The following HSD17B3 variants were observed in gnomAD, a reference collection of about 807,000 sequenced individuals.
HSD17B3 encodes the protein 17-beta-hydroxysteroid dehydrogenase type 3.
In HSD17B3, 29 loss-of-function variants were observed where a neutral mutation model predicts 41.1. That is an observed-to-expected ratio of 0.71 (90% CI 0.53 to 0.96). The LOEUF is 0.96. Among genes scored for constraint, HSD17B3 ranks in the 40% least tolerant of loss-of-function variants. The pLI is 0.00. For synonymous variants in HSD17B3, 126 were observed against 145.6 expected (o/e 0.87, Z 0.97); for missense variants, 323 against 374.6 (o/e 0.86, Z 1.14).
chr9:96,250,681 G>A (rs571088996), intron 5 of HSD17B3, among the ~76,000 whole-genome samples: 89 of 152,176 alleles, frequency 5.8e-4, no homozygotes, highest in Non-Finnish European at 9.0e-4. Flanking sequence ...GAGGTCAGGC[G>A]TTCGAGACCA....
intron 4 of HSD17B3, among the ~76,000 whole-genome samples, chr9:96,251,876 T>C (rs537669667): frequency 1.3e-5 from 2 of 152,340 alleles, no homozygotes; most frequent in Admixed American, 1.3e-4. Context: ...TTCATATTTA[T>C]TTTATTAGCC....
chr9:96,289,729 G>C (rs1372497319), intron 2 of HSD17B3, among the ~76,000 whole-genome samples: 1 of 152,190 alleles, frequency 6.6e-6, no homozygotes, highest in East Asian at 1.9e-4. Flanking sequence ...ACACTTGGTT[G>C]TCTGGGCTGG....
At chr9:96,301,875 T>C (rs1827625967) in intron 1 of HSD17B3, 76 bp downstream of exon 1, 1 of 1,498,902 alleles carries the variant, frequency 6.7e-7, no homozygotes, top group Non-Finnish European at 9.3e-7. Context: ...AGCAAGTGTC[T>C]GTCTCAAAAA....
At chr9:96,273,910 A>G (rs1826355000) in intron 2 of HSD17B3, among the ~76,000 whole-genome samples, 1 of 152,168 alleles carries the variant, frequency 6.6e-6, no homozygotes, top group Admixed American at 6.6e-5. Flanking sequence ...ACTCAACCAT[A>G]GGTGAGGGTG....
At chr9:96,271,493 C>A (rs972779083) in intron 2 of HSD17B3, among the ~76,000 whole-genome samples, 4 of 152,172 alleles carry the variant, frequency 2.6e-5, no homozygotes, top group African/African-American at 9.7e-5. Context: ...CTTGGGTTGG[C>A]CACAGAACTG....
chr9:96,295,549 G>A (rs1827328347), intron 2 of HSD17B3, among the ~76,000 whole-genome samples: 1 of 151,918 alleles, frequency 6.6e-6, no homozygotes, highest in South Asian at 2.1e-4. Context: ...TGGCCAGGCT[G>A]GTCTGGAACT....
Position 96,251,420 on chromosome 9 carries a change from G to T in HSD17B3, c.451C>A (p.Gln151Lys). ...TACACAGAAGAGCACAAGTCTACCTGGATTTCATCCGGTGCGTTCAGGAAA... is the reference window on the plus strand; with the variant it reads ...TACACAGAAGAGCACAAGTCTACCTTGATTTCATCCGGTGCGTTCAGGAAA... ...SHFLNAPDEIQSLIHCNITSV... is the reference protein window; with the variant it reads ...SHFLNAPDEIKSLIHCNITSV... Residue 151 changes from glutamine (Q) to lysine (K), a missense_variant and splice_region_variant, in exon 5 of 11, where the codon CAG (glutamine) becomes AAG (lysine). Gln to Lys is a moderately conservative substitution (Grantham distance 53). Coordinates refer to ENST00000375263, the MANE Select transcript of HSD17B3 (RefSeq NM_000197.2). The T allele has an allele frequency of 1.9e-6, 3 of 1,613,494 alleles. No homozygotes were observed. Among genetic ancestry groups the T allele is most frequent in the Non-Finnish European group, 2.5e-6 (3 of 1,179,434 alleles).
chr9:96,277,924 AACATGGATAAATGTTGG>A (rs1196481502), intron 2 of HSD17B3, among the ~76,000 whole-genome samples: 3 of 152,090 alleles, frequency 2.0e-5, no homozygotes, highest in African/African-American at 4.8e-5. Flanking sequence ...CATTTATGAC[AACATGGATAAATGTTGG>A]ACATGGATAA....
intron 2 of HSD17B3, among the ~76,000 whole-genome samples, chr9:96,262,895 C>T (rs1825914221): frequency 6.6e-6 from 1 of 152,132 alleles, no homozygotes; most frequent in Admixed American, 6.6e-5. Flanking sequence ...TGAGTATTTG[C>T]CATTTATCAG....
chr9:96,293,553 TTC>T (rs969770107), intron 2 of HSD17B3, among the ~76,000 whole-genome samples: 2 of 141,760 alleles, frequency 1.4e-5, no homozygotes, highest in South Asian at 2.1e-4. Context: ...TCTCCCACTC[TTC>T]TCTCTCTGTC....
intron 2 of HSD17B3, among the ~76,000 whole-genome samples, chr9:96,276,273 T>C (rs1001145620): frequency 1.3e-5 from 2 of 152,096 alleles, no homozygotes; most frequent in Non-Finnish European, 2.9e-5. Context: ...TGGAAAGATG[T>C]CTGTGTTCAT....
chr9:96,292,706 G>C (rs576237523), intron 2 of HSD17B3, among the ~76,000 whole-genome samples: 101 of 152,046 alleles, frequency 6.6e-4, no homozygotes, highest in Non-Finnish European at 1.3e-3. Flanking sequence ...CCCCAAACGG[G>C]TAAAACCAAA....
At chr9:96,295,147 CAGGTA>C (rs1410827924) in intron 2 of HSD17B3, among the ~76,000 whole-genome samples, 38 of 150,534 alleles carry the variant, frequency 2.5e-4, no homozygotes, top group African/African-American at 8.1e-4. Context: ...GCTGGGATTA[CAGGTA>C]AGCACCACCA....
chr9:96,271,612 T>TTA (rs1826248027), intron 2 of HSD17B3, among the ~76,000 whole-genome samples: 1 of 152,182 alleles, frequency 6.6e-6, no homozygotes, highest in Non-Finnish European at 1.5e-5. Context: ...TGTGTTATGA[T>TTA]CCAGCTTCAA....
chr9:96,252,841 A>T lies in HSD17B3; in HGVS notation c.347T>A (p.Ile116Asn), dbSNP rs777366638. ...DFTKDDIYEH[I>N]KEKLAGLEIG... The stretch of plus-strand genomic sequence containing the variant: ...TTCTAAGCCTGCAAGTTTTTCTTTA[A>T]TATGCTCGTAGATGTCATCTTTTGT... The change falls in exon 4 of 11, where the codon ATT (isoleucine) becomes AAT (asparagine). Residue 116 changes from isoleucine to asparagine, a missense_variant. Ile to Asn is a moderately radical substitution (Grantham distance 149). Coordinates refer to ENST00000375263, the MANE Select transcript of HSD17B3 (RefSeq NM_000197.2). The T allele has an allele frequency of 1.2e-6, 2 of 1,613,400 alleles. No homozygotes were observed.
rs371844531 is a variant in HSD17B3, at chr9:96,244,663, C to CA, written c.607-270dup. Among the ~76,000 whole-genome samples, 2,217 of 145,462 alleles carry CA rather than the reference C, an allele frequency of 0.015. 47 individuals are homozygous for CA. Among genetic ancestry groups the CA allele is most frequent in the African/African-American group, 0.05 (1,987 of 39,754 alleles). On this transcript the variant is annotated intron_variant, in intron 8 of 10. Transcript: ENST00000375263. ...AAGTAGATCTCAGGGGTCCTCACCA[C>CA]AAAAAAAAAACCGGTAAGTATGTGA...
chr9:96,292,929 T>C (rs1827208608), intron 2 of HSD17B3, among the ~76,000 whole-genome samples: 1 of 152,210 alleles, frequency 6.6e-6, no homozygotes, highest in African/African-American at 2.4e-5. Flanking sequence ...GCAAATCCTG[T>C]ATCTAGCAAA....
intron 2 of HSD17B3, among the ~76,000 whole-genome samples, chr9:96,286,973 C>T (rs1300494320): frequency 6.6e-6 from 1 of 152,180 alleles, no homozygotes; most frequent in Non-Finnish European, 1.5e-5. Flanking sequence ...ATCTTGCTTT[C>T]ACTTTATGGA....
At chr9:96,271,494 C>T (rs1434676306) in intron 2 of HSD17B3, among the ~76,000 whole-genome samples, 1 of 152,118 alleles carries the variant, frequency 6.6e-6, no homozygotes, top group Non-Finnish European at 1.5e-5. Context: ...TTGGGTTGGC[C>T]ACAGAACTGA....
Sources: gnomAD v4.1 joint callset for allele counts (sites outside exome capture counted in the v4.1 genomes callset) on GRCh38, gnomAD v4.1.1 for gene constraint, MANE v1.5 for transcripts, NCBI Gene and HGNC (gene_info 2026-07-23, HGNC 2026-07-21) for gene names.